The following LRBA variants were observed in gnomAD, a reference collection of about 807,000 sequenced individuals.
LRBA encodes LPS responsive beige-like anchor protein, also known as lipopolysaccharide-responsive and beige-like anchor protein.
In LRBA, 176 loss-of-function variants were observed where a neutral mutation model predicts 330.0. That is an observed-to-expected ratio of 0.53 (90% CI 0.47 to 0.60). The LOEUF is 0.60. LRBA is among the 20% of genes least tolerant of loss of function. LRBA has a pLI of 0.00. For synonymous variants in LRBA, 1,230 were observed against 1,193.0 expected (o/e 1.03, Z -0.64); for missense variants, 3,259 against 3,444.8 (o/e 0.95, Z 1.35).
At chr4:150,432,499 C>A (rs1368088078) in intron 46 of LRBA, among the ~76,000 whole-genome samples, 1 of 127,264 alleles carries the variant, frequency 7.9e-6, no homozygotes, top group Non-Finnish European at 1.6e-5. Flanking sequence ...TCCCTGTCAC[C>A]CAGGCTGGAG....
intron 34 of LRBA, among the ~76,000 whole-genome samples, chr4:150,794,702 A>T (rs1740490182): frequency 6.6e-6 from 1 of 152,162 alleles, no homozygotes; most frequent in Non-Finnish European, 1.5e-5. Context: ...TTTTTTAAAG[A>T]ATAATCAGCC....
At position 150,992,787 on chromosome 4, in the gene LRBA, G is replaced by A. The variant is rs545063566; in HGVS notation, c.216+21640C>T. Among the ~76,000 whole-genome samples the A allele has an allele frequency of 4.4e-4, 67 of 152,276 alleles. No homozygotes were observed. The South Asian group carries it at 0.013, about 29-fold the overall frequency. On this transcript the variant is annotated intron_variant, in intron 2 of 56. Coordinates refer to ENST00000651943, the MANE Select transcript of LRBA (RefSeq NM_001364905.1). ...CAGATTTGTTTGATAATCCAAGTTGGGGGGAGAATCATCTGGCTTCCATTT... is the reference window on the plus strand; with the variant it reads ...CAGATTTGTTTGATAATCCAAGTTGAGGGGAGAATCATCTGGCTTCCATTT...
At chr4:150,652,988 A>T (rs1779841535) in intron 37 of LRBA, among the ~76,000 whole-genome samples, 1 of 151,346 alleles carries the variant, frequency 6.6e-6, no homozygotes, top group South Asian at 2.1e-4. Flanking sequence ...CCAGATATCA[A>T]TTTTTTTTTG....
At chr4:150,781,180 T>C (rs1738172392) in intron 34 of LRBA, among the ~76,000 whole-genome samples, 1 of 152,106 alleles carries the variant, frequency 6.6e-6, no homozygotes, top group Admixed American at 6.6e-5. Flanking sequence ...CGCCCGGCCG[T>C]GCATTTTATT....
At chr4:150,666,160 C>G (rs1484479228) in intron 37 of LRBA, among the ~76,000 whole-genome samples, 1 of 152,066 alleles carries the variant, frequency 6.6e-6, no homozygotes, top group Non-Finnish European at 1.5e-5. Context: ...CACTCGGTAT[C>G]CTCAGGTTCT....
intron 26 of LRBA, among the ~76,000 whole-genome samples, chr4:150,846,050 G>A (rs767313071): frequency 1.3e-4 from 20 of 152,028 alleles, no homozygotes; most frequent in Admixed American, 3.3e-4. Context: ...GTACATATAC[G>A]CAATGAAATA....
At chr4:150,422,861 C>T in intron 46 of LRBA, 2 of 1,235,114 alleles carry the variant, frequency 1.6e-6, no homozygotes, top group Non-Finnish European at 2.4e-6. Context: ...CCACGTGATC[C>T]ACCAGGGCCT....
rs895422705 is a variant in LRBA at position 150,454,303 on chromosome 4, A to G, written c.6780+13370T>C. 3.3e-5 allele frequency among the ~76,000 whole-genome samples: 5 copies of G among 152,224 alleles called. No individual in the cohort carries two copies. The South Asian group carries it at 1.0e-3, about 32-fold the overall frequency. On this transcript the variant is annotated intron_variant, in intron 44 of 56. Transcript: ENST00000651943. ...TTTGTGTAAGGTAAGCTACATGGTC[A>G]ATTTGTTATATTAGTGAAACTGCTG... is the stretch of plus-strand genomic sequence containing the variant.
At chr4:150,655,722 TTCAC>T (rs1780118421) in intron 37 of LRBA, among the ~76,000 whole-genome samples, 1 of 152,222 alleles carries the variant, frequency 6.6e-6, no homozygotes, top group Non-Finnish European at 1.5e-5. Context: ...ATCAATTTAT[TTCAC>T]TCAGGACAGA....
chr4:150,711,717 G>A (rs1786240062), intron 36 of LRBA, among the ~76,000 whole-genome samples: 1 of 152,072 alleles, frequency 6.6e-6, no homozygotes, highest in African/African-American at 2.4e-5. Context: ...TAACTATAAA[G>A]GTACTTATGT....
Position 150,906,389 on chromosome 4 carries a change from A to C in LRBA, c.1510T>G (p.Phe504Val), listed in dbSNP as rs1156657331. The change falls in exon 12 of 57, where the codon TTT becomes GTT. Residue 504 changes from phenylalanine (F) to valine (V), a missense_variant. Transcript: ENST00000651943. ...DLTICSTLLAFIMELLKNSIA... is the reference protein window; with the variant it reads ...DLTICSTLLAVIMELLKNSIA... ...GAGTTCTTCAACAATTCCATGATAA[A>C]GGCCAGCAAGGTTGAACTAGAATTT... 6.2e-7 allele frequency: 1 copy of C among 1,603,176 alleles called. No individual in the cohort carries two copies. The highest frequency in any genetic ancestry group is 1.1e-5 in the South Asian group (1 of 89,610).
chr4:151,002,200 A>AAAG (rs1743441127), intron 2 of LRBA, among the ~76,000 whole-genome samples: 1 of 147,542 alleles, frequency 6.8e-6, no homozygotes, highest in African/African-American at 2.5e-5. Flanking sequence ...AAACAGCAAA[A>AAAG]AAAAAAAAAA....
chr4:150,895,683 C>T (rs1056928790), intron 16 of LRBA, among the ~76,000 whole-genome samples: 3 of 152,122 alleles, frequency 2.0e-5, no homozygotes, highest in African/African-American at 4.8e-5. Context: ...CAGTCTATCA[C>T]TGTTGGACAT....
chr4:150,945,991 G>A (rs540621960), intron 2 of LRBA, among the ~76,000 whole-genome samples: 1 of 151,960 alleles, frequency 6.6e-6, no homozygotes, highest in Non-Finnish European at 1.5e-5. Flanking sequence ...GTAGAGACGG[G>A]GTTTCACCGT....
intron 47 of LRBA, among the ~76,000 whole-genome samples, chr4:150,354,975 T>G (rs1379761754): frequency 6.6e-6 from 1 of 151,980 alleles, no homozygotes; most frequent in Non-Finnish European, 1.5e-5. Context: ...TCTGTGTGCA[T>G]GTTTAGCAAA....
chr4:150,338,890 T>C (rs546517828), intron 48 of LRBA, among the ~76,000 whole-genome samples: 50 of 152,110 alleles, frequency 3.3e-4, no homozygotes, highest in Admixed American at 6.6e-4. Flanking sequence ...TTTTGTATTA[T>C]TTGACTCTTG....
Position 150,774,589 on chromosome 4 carries a change from G to A in LRBA, c.5581-12742C>T, listed in dbSNP as rs114621596. On this transcript the variant is annotated intron_variant, in intron 34 of 56. Coordinates refer to ENST00000651943, the MANE Select transcript of LRBA (RefSeq NM_001364905.1). ...CCACAGCTCTGACTACTGAGTGAAC[G>A]GGAAGTATAAGGATAATTGCCTCAT... is the stretch of plus-strand genomic sequence containing the variant. 2.2e-3 allele frequency among the ~76,000 whole-genome samples: 330 copies of A among 152,322 alleles called. 2 individuals carry two copies. The highest frequency in any genetic ancestry group is 7.7e-3 in the African/African-American group (320 of 41,570).
intron 37 of LRBA, among the ~76,000 whole-genome samples, chr4:150,657,546 T>G (rs1055977701): frequency 8.6e-5 from 13 of 151,980 alleles, no homozygotes; most frequent in African/African-American, 2.9e-4. Context: ...TTTCAAAATT[T>G]CTGAGATGTG....
At chr4:150,489,326 T>C (rs1464878828) in intron 41 of LRBA, among the ~76,000 whole-genome samples, 2 of 92,966 alleles carry the variant, frequency 2.2e-5, no homozygotes, top group Non-Finnish European at 3.7e-5. Context: ...ATATAAAATA[T>C]ATTACATATA....
Sources: allele counts gnomAD v4.1 joint callset (sites outside exome capture counted in the v4.1 genomes callset), GRCh38; gene constraint gnomAD v4.1.1; transcripts MANE v1.5; gene names NCBI Gene and HGNC (gene_info 2026-07-23, HGNC 2026-07-21).